The following TLN2 variants were observed in gnomAD, a reference collection of about 807,000 sequenced individuals.
TLN2 encodes the protein talin-2.
Under a neutral mutation model 294.7 loss-of-function variants are expected in TLN2, and 118 were observed. The observed-to-expected ratio is 0.40, with a 90% CI of 0.34 to 0.47. The LOEUF (loss-of-function observed/expected upper bound fraction) is 0.47, where lower values mean the gene tolerates loss of function less well. Ranked by LOEUF, TLN2 falls within the 20% of genes least tolerant of loss-of-function variation. The pLI is 0.84. For missense variants in TLN2, 3,083 were observed against 3,282.2 expected, an observed-to-expected ratio of 0.94 and a Z score of 1.48; for synonymous variants, 1,431 against 1,304.5, an observed-to-expected ratio of 1.10 and a Z score of -2.09.
chr15:62,583,557 A>G (rs932691482), intron 1 of TLN2, among the ~76,000 whole-genome samples: 4 of 151,846 alleles, frequency 2.6e-5, no homozygotes, highest in Admixed American at 1.3e-4. Context: ...AAAATGGGGG[A>G]GAAAACTTCT....
intron 1 of TLN2, among the ~76,000 whole-genome samples, chr15:62,435,415 A>G (rs1000298808): frequency 1.3e-5 from 2 of 152,168 alleles, no homozygotes; most frequent in Non-Finnish European, 2.9e-5. Flanking sequence ...TCTCCGCAGA[A>G]GTTGACTGTC....
At chr15:62,710,529 T>C (rs1407046124) in intron 21 of TLN2, among the ~76,000 whole-genome samples, 1 of 152,166 alleles carries the variant, frequency 6.6e-6, no homozygotes, top group Non-Finnish European at 1.5e-5. Flanking sequence ...GAAATACTTT[T>C]AAATTTGCAA....
intron 1 of TLN2, chr15:62,561,340 C>T (rs368087813): frequency 1.5e-4 from 23 of 152,360 alleles, no homozygotes; most frequent in Admixed American, 8.5e-4. Flanking sequence ...CACACCCCGC[C>T]GAGGCCCCTC....
At chr15:62,613,458 TCATGTA>T (rs1475322830) in intron 2 of TLN2, among the ~76,000 whole-genome samples, 1 of 152,162 alleles carries the variant, frequency 6.6e-6, no homozygotes, top group African/African-American at 2.4e-5. Flanking sequence ...TAAATGGAAC[TCATGTA>T]CACTGCTGGT....
At chr15:62,628,986 C>G (rs1356352501) in intron 3 of TLN2, among the ~76,000 whole-genome samples, 1 of 152,148 alleles carries the variant, frequency 6.6e-6, no homozygotes, top group Admixed American at 6.5e-5. Flanking sequence ...TGCTTGAGCC[C>G]AGGAGTTTGC....
chr15:62,571,446 C>T (rs766590163), intron 1 of TLN2, among the ~76,000 whole-genome samples: 18 of 152,226 alleles, frequency 1.2e-4, no homozygotes, highest in Non-Finnish European at 2.4e-4. Context: ...TCTATCCCTA[C>T]GGAACTGTCC....
At chr15:62,667,091 G>A (rs1386560704) in intron 9 of TLN2, among the ~76,000 whole-genome samples, 7 of 152,062 alleles carry the variant, frequency 4.6e-5, no homozygotes, top group Non-Finnish European at 7.4e-5. Context: ...TCAGCCTCCC[G>A]AGTAGCTGGG....
chr15:62,580,471 C>T (rs952573906), intron 1 of TLN2, among the ~76,000 whole-genome samples: 2 of 138,180 alleles, frequency 1.4e-5, no homozygotes, highest in Non-Finnish European at 3.1e-5. Flanking sequence ...AGTACAGTGG[C>T]GAGATCTAGG....
At chr15:62,797,709 C>T (rs1286249744) in intron 48 of TLN2, among the ~76,000 whole-genome samples, 1 of 152,096 alleles carries the variant, frequency 6.6e-6, no homozygotes, top group Admixed American at 6.5e-5. Flanking sequence ...AAAGGCGGCT[C>T]CTTGTGGGCC....
chr15:62,825,961 G>A (rs1445987279), intron 54 of TLN2, among the ~76,000 whole-genome samples: 1 of 143,410 alleles, frequency 7.0e-6, no homozygotes, highest in Non-Finnish European at 1.5e-5. Flanking sequence ...GGGAGGCGGA[G>A]GTTGCCGTGA....
chr15:62,583,041 A>G (rs2045280419), intron 1 of TLN2, among the ~76,000 whole-genome samples: 1 of 152,184 alleles, frequency 6.6e-6, no homozygotes, highest in African/African-American at 2.4e-5. Flanking sequence ...ATTGTTTCAA[A>G]TTTTTCTAAA....
At chr15:62,612,762 G>A (rs1395320699) in intron 2 of TLN2, among the ~76,000 whole-genome samples, 6 of 152,126 alleles carry the variant, frequency 3.9e-5, no homozygotes, top group East Asian at 1.9e-4. Context: ...GCTGGATTGC[G>A]TTAATCAACA....
intron 42 of TLN2, among the ~76,000 whole-genome samples, chr15:62,772,728 T>C (rs1026981498): frequency 2.0e-5 from 3 of 152,008 alleles, no homozygotes; most frequent in African/African-American, 4.8e-5. Flanking sequence ...AATGGCGCGA[T>C]CTCGGCTCAC....
chr15:62,611,852 A>G (rs1308881230), intron 2 of TLN2, among the ~76,000 whole-genome samples: 1 of 152,210 alleles, frequency 6.6e-6, no homozygotes, highest in Non-Finnish European at 1.5e-5. Flanking sequence ...TGTAAAATGG[A>G]GATAAGAATA....
chr15:62,840,492 C>G lies in TLN2; in HGVS notation c.7511C>G (p.Ala2504Gly). 1 of 1,614,118 alleles carries G rather than the reference C, an allele frequency of 6.2e-7. No individual in the cohort carries two copies. Among genetic ancestry groups the G allele is most frequent in the South Asian group, 1.1e-5 (1 of 91,080 alleles). The stretch of plus-strand genomic sequence containing the variant: ...TTGCTTTCTTTCTAGATCATCGCCG[C>G]CCAGGAAGAAATGCTAAAGAAAGAG... The part of the protein sequence containing the change: ...FVGGIAQIIA[A>G]QEEMLKKERE... Residue 2504 changes from alanine (A) to glycine (G), a missense_variant, in exon 59 of 59, where the codon GCC (alanine) becomes GGC (glycine). By Grantham distance (60) the Ala-to-Gly change is moderately conservative. Transcript: ENST00000636159.
chr15:62,796,433 A>G (rs1426580725), intron 47 of TLN2, 140 bp downstream of exon 47: 2 of 1,085,862 alleles, frequency 1.8e-6, no homozygotes, highest in Non-Finnish European at 2.6e-6. Context: ...GGGAAAGTGA[A>G]CCATGTAATC....
chr15:62,675,420 C>A (rs763065842), intron 11 of TLN2, 99 bp downstream of exon 11: 1 of 1,228,738 alleles, frequency 8.1e-7, no homozygotes, highest in Non-Finnish European at 1.2e-6. Context: ...GCTCACCCCC[C>A]TAGCATTTGC....
chr15:62,611,345 A>G (rs2047897995), intron 2 of TLN2, among the ~76,000 whole-genome samples: 1 of 152,176 alleles, frequency 6.6e-6, no homozygotes, highest in African/African-American at 2.4e-5. Context: ...AGGCTCAGGT[A>G]TGGATGCTGG....
rs570038185 is a variant in TLN2, at chr15:62,740,796, G to A, written c.4025+27G>A. On this transcript the variant is annotated intron_variant, in intron 32 of 58. Transcript: ENST00000636159. ...TAGGAGTGGGACACAATGTGCTTTC[G>A]TGTGTGGTTAGACAGTGTCATTGCA... 36 of 1,613,738 alleles carry A rather than the reference G, an allele frequency of 2.2e-5. No individual in the cohort carries two copies. The African/African-American group carries it at 2.3e-4, about 10-fold the overall frequency.
Sources: gnomAD v4.1 joint callset for allele counts (sites outside exome capture counted in the v4.1 genomes callset) on GRCh38, gnomAD v4.1.1 for gene constraint, MANE v1.5 for transcripts, NCBI Gene and HGNC (gene_info 2026-07-23, HGNC 2026-07-21) for gene names.